Variants in A2ML1 observed in about 807,000 individuals in gnomAD.
A2ML1 encodes alpha-2-macroglobulin-like protein 1.
In A2ML1, 161 loss-of-function variants were observed where a neutral mutation model predicts 181.9. The observed-to-expected ratio is 0.89, with a 90% CI of 0.78 to 1.01. The LOEUF (loss-of-function observed/expected upper bound fraction) is 1.01, where lower values mean the gene tolerates loss of function less well. A2ML1 is among the 50% of genes least tolerant of loss of function. A2ML1 has a pLI of 0.00. For synonymous variants in A2ML1, 663 were observed against 666.8 expected (o/e 0.99, Z 0.09); for missense variants, 1,670 against 1,768.1 (o/e 0.94, Z 1.00).
At chr12:8,867,734 A>G in intron 29 of A2ML1, 108 bp from the exon 30 acceptor site, 1 of 953,138 alleles carries the variant, frequency 1.0e-6, no homozygotes, top group Non-Finnish European at 1.6e-6. Context: ...TAAAGAAGTC[A>G]TCATCCAAGC....
At chr12:8,838,471 C>T (rs1472859419) in intron 9 of A2ML1, 21 bp downstream of exon 9, 4 of 1,585,296 alleles carry the variant, frequency 2.5e-6, no homozygotes, top group African/African-American at 1.3e-5. Context: ...TGCTCCTTGG[C>T]TCATTAAGAA....
At chr12:8,880,721 C>CGTACCA (rs1944862861), downstream of A2ML1, 1 of 152,082 alleles carries the variant, frequency 6.6e-6, no homozygotes, top group Admixed American at 6.6e-5. Flanking sequence ...AAAGACAAAA[C>CGTACCA]GTACCAGACA....
intron 29 of A2ML1, among the ~76,000 whole-genome samples, chr12:8,866,320 A>T (rs2136951471): frequency 6.6e-6 from 1 of 150,848 alleles, no homozygotes; most frequent in Admixed American, 6.6e-5. Flanking sequence ...AAAAAAAAAA[A>T]AAAAAAAAAA....
intron 4 of A2ML1, among the ~76,000 whole-genome samples, chr12:8,830,241 A>C (rs1943067771): frequency 6.6e-6 from 1 of 151,922 alleles, no homozygotes; most frequent in East Asian, 1.9e-4. Flanking sequence ...TAGTAAAAAC[A>C]GGGTTACATC....
chr12:8,849,396 C>T (rs749905360), intron 16 of A2ML1, among the ~76,000 whole-genome samples: 44 of 152,174 alleles, frequency 2.9e-4, no homozygotes, highest in African/African-American at 1.1e-3. Context: ...ATGTTTACAG[C>T]GTAAGTCAAA....
chr12:8,854,417 A>G (rs1052309312), intron 21 of A2ML1, among the ~76,000 whole-genome samples, 168 bp downstream of exon 21: 1 of 152,170 alleles, frequency 6.6e-6, no homozygotes, highest in Non-Finnish European at 1.5e-5. Context: ...CCCACGGCCT[A>G]TGAAAGCACC....
chr12:8,871,828 C>CCA (rs148395607), intron 33 of A2ML1, among the ~76,000 whole-genome samples: 36 of 151,086 alleles, frequency 2.4e-4, no homozygotes, highest in African/African-American at 4.1e-4. Context: ...TCCCCCACCG[C>CCA]CACACACACA....
chr12:8,857,683 C>T (rs1288265374), intron 25 of A2ML1, 95 bp downstream of exon 25: 1 of 1,349,038 alleles, frequency 7.4e-7, no homozygotes, highest in Non-Finnish European at 1.0e-6. Flanking sequence ...TAACCCCTTT[C>T]CTTCTTGCAC....
downstream of A2ML1, among the ~76,000 whole-genome samples, chr12:8,879,250 TGGA>T (rs1944845810): frequency 3.3e-5 from 5 of 152,052 alleles, no homozygotes; most frequent in Admixed American, 2.0e-4. Context: ...CCAGCAGTTT[TGGA>T]GGCTTAGGCG....
chr12:8,844,322 G>A (rs1385507058), intron 12 of A2ML1, among the ~76,000 whole-genome samples: 1 of 147,682 alleles, frequency 6.8e-6, no homozygotes, highest in African/African-American at 2.5e-5. Flanking sequence ...GGCTGGTCTT[G>A]AACTCCTGAC....
chr12:8,867,839 CA>C lies in A2ML1; in HGVS notation c.3718-2del, dbSNP rs2136956753. 1 of 1,613,638 alleles carries C rather than the reference CA, an allele frequency of 6.2e-7. No individual in the cohort carries two copies. The highest frequency in any genetic ancestry group is 1.6e-4 in the Middle Eastern group (1 of 6,062). On this transcript the variant is annotated splice_acceptor_variant, in intron 29 of 35. Transcript: ENST00000299698. LOFTEE classifies it high-confidence loss of function. The stretch of plus-strand genomic sequence containing the variant: ...TAAGTATACGTTTGGTTGTTTCCCT[CA>C]GGATACTGTAGTTGCTCTCCAAGCT...
chr12:8,833,385 G>A (rs868821381), intron 4 of A2ML1, among the ~76,000 whole-genome samples: 6 of 152,014 alleles, frequency 3.9e-5, no homozygotes, highest in Admixed American at 2.6e-4. Flanking sequence ...CTTTGTTATC[G>A]AAGTGTTTTT....
chr12:8,858,081 TCTC>T lies in A2ML1; in HGVS notation c.3246_3248del (p.Leu1083del). On this transcript the variant is annotated inframe_deletion, in exon 26 of 36. Coordinates refer to ENST00000299698, the MANE Select transcript of A2ML1 (RefSeq NM_144670.6). ...GTGGCTGCTATGCCAACGTGGGAAA[TCTC>T]CTTCACACAGCTATGAAGGTGCGGA... The T allele has an allele frequency of 3.1e-6, 5 of 1,614,018 alleles. No homozygotes were observed. The highest frequency in any genetic ancestry group is 1.7e-4 in the Middle Eastern group (1 of 6,058).
intron 33 of A2ML1, among the ~76,000 whole-genome samples, chr12:8,870,398 G>A (rs1371561507): frequency 2.0e-5 from 3 of 152,126 alleles, no homozygotes; most frequent in African/African-American, 7.2e-5. Context: ...CTCCCGAGTA[G>A]CTGGGACCAC....
chr12:8,847,601 T>C lies in A2ML1; in HGVS notation c.1736T>C (p.Leu579Pro), dbSNP rs768594767. The C allele has an allele frequency of 6.2e-7, 1 of 1,613,598 alleles. No homozygotes were observed. Among genetic ancestry groups the C allele is most frequent in the Admixed American group, 1.7e-5 (1 of 59,944 alleles). The change falls in exon 15 of 36, where the codon CTG becomes CCG. Residue 579 changes from leucine to proline, a missense_variant. Leu to Pro is a moderately conservative substitution (Grantham distance 98, BLOSUM62 -3). Transcript: ENST00000299698. ...SQQLPGAEVE[L>P]QLQAAPGSLC... The stretch of plus-strand genomic sequence containing the variant: ...CAGCTTCCAGGAGCAGAAGTGGAGC[T>C]GCAGCTGCAGGCAGCTCCCGGATCC...
At chr12:8,828,307 C>G (rs1565461421) in intron 3 of A2ML1, among the ~76,000 whole-genome samples, 1 of 152,140 alleles carries the variant, frequency 6.6e-6, no homozygotes, top group Non-Finnish European at 1.5e-5. Flanking sequence ...TGAGTTGGCA[C>G]CCAAGCCATA....
Position 8,857,138 on chromosome 12 carries a change from C to T in A2ML1, c.2849-26C>T, listed in dbSNP as rs776966689. On this transcript the variant is annotated intron_variant, in intron 23 of 35. Coordinates refer to ENST00000299698, the MANE Select transcript of A2ML1 (RefSeq NM_144670.6). ...GGTCCCTTCTTCTCTGTACCCCTACCTTCTCTCTCTCCTTTTGGATCCCAG... is the reference window on the plus strand; with the variant it reads ...GGTCCCTTCTTCTCTGTACCCCTACTTTCTCTCTCTCCTTTTGGATCCCAG... 4.9e-5 allele frequency: 78 copies of T among 1,604,166 alleles called. 1 individual carries two copies. The South Asian group carries it at 8.1e-4, about 17-fold the overall frequency.
At chr12:8,851,042 C>G (rs1943871408) in intron 18 of A2ML1, among the ~76,000 whole-genome samples, 3 of 152,288 alleles carry the variant, frequency 2.0e-5, no homozygotes, top group Admixed American at 2.0e-4. Context: ...CCCGGCCTAC[C>G]TGAATTCTTC....
At chr12:8,827,838 A>G (rs1942979272) in intron 3 of A2ML1, among the ~76,000 whole-genome samples, 1 of 152,182 alleles carries the variant, frequency 6.6e-6, no homozygotes, top group South Asian at 2.1e-4. Flanking sequence ...CATGCTCAGT[A>G]TCTCTGTGGC....
Sources: gnomAD v4.1 joint callset for allele counts (sites outside exome capture counted in the v4.1 genomes callset) on GRCh38, gnomAD v4.1.1 for gene constraint, MANE v1.5 for transcripts, NCBI Gene and HGNC (gene_info 2026-07-23, HGNC 2026-07-21) for gene names.